Variants in SLC39A11 observed in about 807,000 individuals in gnomAD.
SLC39A11 encodes solute carrier family 39 member 11.
SLC39A11 carries 33 observed loss-of-function variants against 36.1 expected under a neutral mutation model. That is an observed-to-expected ratio of 0.91 (90% CI 0.69 to 1.22). The LOEUF (loss-of-function observed/expected upper bound fraction) is 1.22, where lower values mean the gene tolerates loss of function less well. Ranked by LOEUF, SLC39A11 falls within the 50% of genes most tolerant of loss-of-function variation. The pLI, the probability that SLC39A11 is intolerant of heterozygous loss-of-function variation, is 0.00. For missense variants in SLC39A11, 432 were observed against 430.3 expected, an observed-to-expected ratio of 1.00 and a Z score of -0.03; for synonymous variants, 166 against 170.3, an observed-to-expected ratio of 0.97 and a Z score of 0.20.
chr17:72,993,809 A>C (rs1157484149), intron 4 of SLC39A11, among the ~76,000 whole-genome samples: 1 of 151,816 alleles, frequency 6.6e-6, no homozygotes, highest in Non-Finnish European at 1.5e-5. Context: ...ATTTTTTCCT[A>C]CCCTTGAAAT....
chr17:73,042,150 T>C (rs527685406), intron 3 of SLC39A11, among the ~76,000 whole-genome samples: 1 of 152,344 alleles, frequency 6.6e-6, no homozygotes, highest in East Asian at 1.9e-4. Context: ...CAGAATATTC[T>C]GGCACGATGG....
chr17:72,807,611 C>A (rs573488289), intron 6 of SLC39A11, among the ~76,000 whole-genome samples: 32 of 152,296 alleles, frequency 2.1e-4, no homozygotes, highest in African/African-American at 7.7e-4. Flanking sequence ...AAAAACTCAA[C>A]AAGAAGATAT....
chr17:72,912,009 C>T (rs1239558145), intron 5 of SLC39A11, among the ~76,000 whole-genome samples: 2 of 152,068 alleles, frequency 1.3e-5, no homozygotes, highest in Non-Finnish European at 2.9e-5. Flanking sequence ...GCGTTCTGAG[C>T]AACGTGATGG....
chr17:73,034,126 T>G (rs957073159), intron 3 of SLC39A11, among the ~76,000 whole-genome samples: 1 of 152,212 alleles, frequency 6.6e-6, no homozygotes, highest in African/African-American at 2.4e-5. Flanking sequence ...AGACTTTGTC[T>G]TACTAGCTTT....
At chr17:73,080,368 CA>C (rs2060470501) in intron 3 of SLC39A11, among the ~76,000 whole-genome samples, 1 of 152,080 alleles carries the variant, frequency 6.6e-6, no homozygotes, top group African/African-American at 2.4e-5. Context: ...ACAAAGCAAA[CA>C]AAAACAAAGT....
At chr17:72,904,989 T>C (rs1438909784) in intron 5 of SLC39A11, among the ~76,000 whole-genome samples, 1 of 150,424 alleles carries the variant, frequency 6.6e-6, no homozygotes, top group Non-Finnish European at 1.5e-5. Context: ...CTGGCGAACA[T>C]GGTGAAACCC....
chr17:72,990,947 G>A (rs192586812), intron 4 of SLC39A11, among the ~76,000 whole-genome samples: 34 of 152,232 alleles, frequency 2.2e-4, no homozygotes, highest in South Asian at 2.1e-4. Flanking sequence ...AATACAATTC[G>A]TTTTTCCTTT....
intron 3 of SLC39A11, among the ~76,000 whole-genome samples, chr17:73,063,936 T>C (rs1448400572): frequency 6.6e-6 from 1 of 152,196 alleles, no homozygotes; most frequent in Non-Finnish European, 1.5e-5. Context: ...CTAATCTGGT[T>C]TCCCCTTGTT....
chr17:72,744,813 G>A (rs908555316), intron 6 of SLC39A11, among the ~76,000 whole-genome samples: 1 of 152,154 alleles, frequency 6.6e-6, no homozygotes, highest in Non-Finnish European at 1.5e-5. Flanking sequence ...TGATACCATC[G>A]CATTGGGGGT....
intron 3 of SLC39A11, among the ~76,000 whole-genome samples, chr17:73,047,010 CTTT>C (rs1339221028): frequency 6.7e-6 from 1 of 148,298 alleles, no homozygotes; most frequent in Non-Finnish European, 1.5e-5. Flanking sequence ...CCACCTTCTT[CTTT>C]TTTTATTTTA....
At position 72,958,623 on chromosome 17, in the gene SLC39A11, G is replaced by A. The variant is rs928359176; in HGVS notation, c.307-10748C>T. On this transcript the variant is annotated intron_variant, in intron 4 of 9. Coordinates refer to ENST00000255559, the MANE Select transcript of SLC39A11 (RefSeq NM_139177.4). ...CCCAGCACTTTGCGAGGCCAAGGAA[G>A]GCATATCACCTGGGATCAGGAATTC... 2.0e-5 allele frequency among the ~76,000 whole-genome samples: 3 copies of A among 152,164 alleles called. No homozygotes were observed. In the East Asian group the frequency reaches 5.8e-4, roughly 29 times the overall value.
intron 4 of SLC39A11, among the ~76,000 whole-genome samples, chr17:72,976,666 T>G (rs1037975456): frequency 6.6e-6 from 1 of 152,078 alleles, no homozygotes; most frequent in African/African-American, 2.4e-5. Context: ...CAGGCCAACA[T>G]GGTGAAACCC....
chr17:73,032,067 C>T (rs531771757), intron 3 of SLC39A11, among the ~76,000 whole-genome samples: 38 of 152,228 alleles, frequency 2.5e-4, no homozygotes, highest in African/African-American at 7.2e-4. Flanking sequence ...CTGGGAGGAG[C>T]GTAGGGGGAG....
chr17:72,682,654 C>CA (rs1041485844), intron 7 of SLC39A11, among the ~76,000 whole-genome samples: 4 of 151,968 alleles, frequency 2.6e-5, no homozygotes, highest in African/African-American at 7.3e-5. Flanking sequence ...CTGACCCCCA[C>CA]AAAAAAAACT....
intron 5 of SLC39A11, among the ~76,000 whole-genome samples, chr17:72,869,145 A>C (rs1281650757): frequency 6.6e-6 from 1 of 152,166 alleles, no homozygotes; most frequent in African/African-American, 2.4e-5. Flanking sequence ...TTTGAAATGG[A>C]CATCCCCAAA....
At chr17:72,882,666 C>G (rs914512676) in intron 5 of SLC39A11, among the ~76,000 whole-genome samples, 5 of 152,166 alleles carry the variant, frequency 3.3e-5, no homozygotes, top group African/African-American at 1.2e-4. Flanking sequence ...AACTGTTTAA[C>G]CTAGTAGTCT....
chr17:72,742,305 T>C (rs2074745021), intron 6 of SLC39A11, among the ~76,000 whole-genome samples: 1 of 152,134 alleles, frequency 6.6e-6, no homozygotes, highest in Admixed American at 6.5e-5. Context: ...ATCCTTTCCG[T>C]TAGGGAGGAG....
chr17:72,866,344 G>A (rs563265446), intron 5 of SLC39A11, among the ~76,000 whole-genome samples: 18 of 152,168 alleles, frequency 1.2e-4, no homozygotes, highest in East Asian at 3.9e-4. Flanking sequence ...AAACAAGCTC[G>A]GGGCTCCCAC....
At chr17:72,872,034 C>T (rs992120995) in intron 5 of SLC39A11, among the ~76,000 whole-genome samples, 12 of 152,122 alleles carry the variant, frequency 7.9e-5, no homozygotes, top group East Asian at 1.9e-4. Context: ...ACACTGCACA[C>T]ATTTGGTCAC....
Sources: allele counts gnomAD v4.1 joint callset (sites outside exome capture counted in the v4.1 genomes callset), GRCh38; gene constraint gnomAD v4.1.1; transcripts MANE v1.5; gene names NCBI Gene and HGNC (gene_info 2026-07-23, HGNC 2026-07-21).